The following ANKS1B variants were observed in gnomAD, a reference collection of about 807,000 sequenced individuals.
The protein encoded by ANKS1B is ankyrin repeat and sterile alpha motif domain containing 1B, also known as ankyrin repeat and sterile alpha motif domain-containing protein 1B.
ANKS1B carries 36 observed loss-of-function variants against 148.3 expected under a neutral mutation model. The ratio of observed to expected loss-of-function variants is 0.24; its 90% CI spans 0.19 to 0.32. ANKS1B has a LOEUF of 0.32. ANKS1B is among the 10% of genes least tolerant of loss of function. The probability of loss-of-function intolerance (pLI) is 1.00; values close to 1 mark genes in which losing one functional copy is unlikely to be tolerated. For missense variants in ANKS1B, 1,157 were observed against 1,542.6 expected (o/e 0.75, Z 4.19); for synonymous variants, 542 against 560.8 (o/e 0.97, Z 0.47).
At chr12:98,746,796 G>C (rs1409216403) in intron 26 of ANKS1B, among the ~76,000 whole-genome samples, 2 of 152,234 alleles carry the variant, frequency 1.3e-5, no homozygotes, top group Non-Finnish European at 2.9e-5. Context: ...GCAAGTATTT[G>C]CCTGAAGACA....
At chr12:99,584,236 C>G (rs1366178303) in intron 9 of ANKS1B, among the ~76,000 whole-genome samples, 2 of 152,152 alleles carry the variant, frequency 1.3e-5, no homozygotes, top group Non-Finnish European at 2.9e-5. Flanking sequence ...TTTAGCAAAA[C>G]AAAGCCCAGG....
intron 1 of ANKS1B, among the ~76,000 whole-genome samples, chr12:99,907,519 T>C (rs1308927922): frequency 1.3e-5 from 2 of 152,190 alleles, no homozygotes; most frequent in African/African-American, 4.8e-5. Context: ...TCTCTATATT[T>C]TGTCATTTGC....
chr12:98,897,163 T>A (rs2099765872), intron 17 of ANKS1B, among the ~76,000 whole-genome samples: 1 of 152,132 alleles, frequency 6.6e-6, no homozygotes, highest in Non-Finnish European at 1.5e-5. Flanking sequence ...GGAGGGGAAG[T>A]CGCTGTCCAT....
chr12:99,788,139 G>A (rs1032040133), intron 4 of ANKS1B, among the ~76,000 whole-genome samples: 3 of 152,190 alleles, frequency 2.0e-5, no homozygotes, highest in African/African-American at 4.8e-5. Context: ...GGGAGACAGC[G>A]GCAGATATGG....
At chr12:99,359,274 C>T (rs1450040092) in intron 12 of ANKS1B, among the ~76,000 whole-genome samples, 1 of 151,948 alleles carries the variant, frequency 6.6e-6, no homozygotes, top group East Asian at 1.9e-4. Context: ...TGGTATCTAC[C>T]CTTAATGTAC....
intron 18 of ANKS1B, among the ~76,000 whole-genome samples, chr12:98,830,560 C>T (rs61607748): frequency 0.047 from 7,152 of 152,276 alleles, 493 homozygotes; most frequent in African/African-American, 0.15. Flanking sequence ...CCTCTGTTAT[C>T]CTGACAGTGG....
intron 9 of ANKS1B, among the ~76,000 whole-genome samples, chr12:99,652,560 C>A (rs953635308): frequency 6.6e-6 from 1 of 151,448 alleles, no homozygotes; most frequent in African/African-American, 2.4e-5. Context: ...TAAAAAAAAA[C>A]ACCCAAAACC....
At chr12:98,975,298 C>T (rs1218804558) in intron 17 of ANKS1B, among the ~76,000 whole-genome samples, 1 of 145,904 alleles carries the variant, frequency 6.9e-6, no homozygotes, top group Non-Finnish European at 1.5e-5. Flanking sequence ...CTCTACCTCC[C>T]TCCCTCCTTC....
chr12:99,779,716 G>T (rs1345965434), intron 6 of ANKS1B, among the ~76,000 whole-genome samples, 155 bp downstream of exon 6: 1 of 151,816 alleles, frequency 6.6e-6, no homozygotes, highest in Non-Finnish European at 1.5e-5. Context: ...ACATTAAAAG[G>T]TATTATTATT....
chr12:99,171,779 T>G (rs76629236), intron 14 of ANKS1B, among the ~76,000 whole-genome samples: 2,846 of 152,216 alleles, frequency 0.019, 38 homozygotes, highest in Non-Finnish European at 0.031. Flanking sequence ...TTTCCCTTCT[T>G]TTAAGGTTGC....
At chr12:99,574,349 A>G (rs918150285) in intron 9 of ANKS1B, among the ~76,000 whole-genome samples, 7 of 152,076 alleles carry the variant, frequency 4.6e-5, no homozygotes, top group African/African-American at 1.2e-4. Flanking sequence ...TTGCCAGGGA[A>G]TTGGATAAAA....
At chr12:99,308,049 C>T (rs1035849419) in intron 12 of ANKS1B, among the ~76,000 whole-genome samples, 13 of 151,952 alleles carry the variant, frequency 8.6e-5, no homozygotes, top group African/African-American at 7.2e-5. Flanking sequence ...ATTAAACAAA[C>T]GATTATAGCA....
At chr12:99,714,335 T>C (rs994946719) in intron 8 of ANKS1B, among the ~76,000 whole-genome samples, 2 of 152,214 alleles carry the variant, frequency 1.3e-5, no homozygotes, top group Non-Finnish European at 2.9e-5. Flanking sequence ...CTTAATCACC[T>C]GTGAAGCCCT....
intron 10 of ANKS1B, among the ~76,000 whole-genome samples, chr12:99,468,081 C>T (rs969226873): frequency 7.2e-5 from 11 of 152,048 alleles, no homozygotes; most frequent in Admixed American, 5.9e-4. Flanking sequence ...GTACTGGTAC[C>T]AAAACAGAGA....
intron 12 of ANKS1B, among the ~76,000 whole-genome samples, chr12:99,383,105 T>A (rs1427701205): frequency 2.0e-5 from 3 of 152,154 alleles, no homozygotes; most frequent in Non-Finnish European, 4.4e-5. Context: ...GTTTCACTCA[T>A]CCTGGTTGCC....
At chr12:99,561,614 T>A (rs758898961) in intron 9 of ANKS1B, among the ~76,000 whole-genome samples, 1 of 152,166 alleles carries the variant, frequency 6.6e-6, no homozygotes. Context: ...AACCACTTTT[T>A]TTTTTGCTCA....
At chr12:99,937,656 T>C (rs1175724890) in intron 1 of ANKS1B, among the ~76,000 whole-genome samples, 2 of 152,170 alleles carry the variant, frequency 1.3e-5, no homozygotes, top group Non-Finnish European at 2.9e-5. Context: ...GCTATCATAT[T>C]GCTACACTGA....
chr12:99,748,694 G>T (rs986989515), intron 8 of ANKS1B, among the ~76,000 whole-genome samples: 1 of 151,968 alleles, frequency 6.6e-6, no homozygotes, highest in African/African-American at 2.4e-5. Context: ...TTGAATCGTG[G>T]TAAGTTCTCT....
At chr12:98,746,371 G>A (rs558782697) in intron 26 of ANKS1B, among the ~76,000 whole-genome samples, 2 of 152,236 alleles carry the variant, frequency 1.3e-5, no homozygotes, top group South Asian at 4.2e-4. Flanking sequence ...CACGCCCAGG[G>A]CCTCTGCGCT....
Sources: allele counts gnomAD v4.1 joint callset (sites outside exome capture counted in the v4.1 genomes callset), GRCh38; gene constraint gnomAD v4.1.1; transcripts MANE v1.5; gene names NCBI Gene and HGNC (gene_info 2026-07-23, HGNC 2026-07-21).